The following TBX15 variants were observed in gnomAD, a reference collection of about 807,000 sequenced individuals.
The protein encoded by TBX15 is T-box transcription factor TBX15.
A neutral mutation model predicts 53.9 loss-of-function variants in TBX15; 18 were observed. That is an observed-to-expected ratio of 0.33 (90% CI 0.23 to 0.49). The LOEUF (loss-of-function observed/expected upper bound fraction) is 0.49, where lower values mean the gene tolerates loss of function less well. Among genes scored for constraint, TBX15 ranks in the 20% least tolerant of loss-of-function variants. TBX15 has a pLI of 0.98. For synonymous variants in TBX15, 295 were observed against 278.0 expected (o/e 1.06, Z -0.61); for missense variants, 692 against 749.5 (o/e 0.92, Z 0.90).
chr1:118,984,591 G>A (rs1657758866), intron 1 of TBX15, among the ~76,000 whole-genome samples: 1 of 152,232 alleles, frequency 6.6e-6, no homozygotes, highest in Admixed American at 6.5e-5. Context: ...GTTGCTCTGG[G>A]AGAGGGCGGG....
chr1:118,965,830 T>C (rs1657019728), intron 1 of TBX15, among the ~76,000 whole-genome samples: 1 of 152,216 alleles, frequency 6.6e-6, no homozygotes. Context: ...AAGTACTATA[T>C]ATATTATGCC....
chr1:118,940,303 C>A (rs910262263), intron 1 of TBX15, among the ~76,000 whole-genome samples: 1 of 151,892 alleles, frequency 6.6e-6, no homozygotes, highest in East Asian at 1.9e-4. Flanking sequence ...TAAGTAAGTA[C>A]AACTATAAAA....
chr1:118,978,336 A>G (rs1657507381), intron 1 of TBX15, among the ~76,000 whole-genome samples: 1 of 152,232 alleles, frequency 6.6e-6, no homozygotes, highest in Non-Finnish European at 1.5e-5. Flanking sequence ...AGGATGGGTC[A>G]AGTGATGACC....
intron 1 of TBX15, among the ~76,000 whole-genome samples, chr1:118,936,109 T>C (rs73007574): frequency 0.014 from 2,154 of 152,274 alleles, 62 homozygotes; most frequent in African/African-American, 0.049. Context: ...CACATGACTA[T>C]TCTGGTCCCC....
At chr1:118,966,465 C>T (rs754448135) in intron 1 of TBX15, among the ~76,000 whole-genome samples, 3 of 152,192 alleles carry the variant, frequency 2.0e-5, no homozygotes, top group Non-Finnish European at 4.4e-5. Context: ...GCCCTCAACC[C>T]AATTCCTAGG....
intron 6 of TBX15, among the ~76,000 whole-genome samples, chr1:118,910,094 C>T (rs931552370): frequency 6.6e-6 from 1 of 152,072 alleles, no homozygotes; most frequent in African/African-American, 2.4e-5. Flanking sequence ...CCCATCTTTC[C>T]TCTCATTCCC....
At position 118,988,240 on chromosome 1, in the gene TBX15, T is replaced by C. The variant is rs957098481; in HGVS notation, c.-445A>G. 7.4e-5 allele frequency: 12 copies of C among 161,142 alleles called. No individual in the cohort carries two copies. Among genetic ancestry groups the C allele is most frequent in the Non-Finnish European group, 1.2e-4 (9 of 74,488 alleles). 10.0% of individuals were successfully genotyped at this position (161,142 alleles called of 1,614,324 possible). A position where few individuals can be genotyped will look rare whatever the true frequency, so the allele number is the denominator to read the frequency against. Reference sequence around the variant, plus strand: ...CTCTGCCTTCCCGTCCTCCCTGTGATCCAAACTTCTGGGAAACTTTTTTTT... The same window carrying C: ...CTCTGCCTTCCCGTCCTCCCTGTGACCCAAACTTCTGGGAAACTTTTTTTT... On this transcript the variant is annotated 5_prime_UTR_variant, in exon 1 of 8. Transcript: ENST00000369429.
chr1:118,983,516 C>G (rs1657714142), intron 1 of TBX15, among the ~76,000 whole-genome samples: 1 of 152,190 alleles, frequency 6.6e-6, no homozygotes, highest in South Asian at 2.1e-4. Context: ...CCTCAGCGAA[C>G]AATAATCCTC....
chr1:118,919,844 ACT>A (rs1168463316), intron 5 of TBX15, among the ~76,000 whole-genome samples: 1 of 152,116 alleles, frequency 6.6e-6, no homozygotes, highest in Non-Finnish European at 1.5e-5. Flanking sequence ...ACATCTATCT[ACT>A]CTCTCTTGTC....
chr1:118,943,129 G>T (rs147380059), intron 1 of TBX15, among the ~76,000 whole-genome samples: 2 of 152,132 alleles, frequency 1.3e-5, no homozygotes, highest in African/African-American at 4.8e-5. Flanking sequence ...AGCCCCTGGC[G>T]CACAATAGGA....
At chr1:118,961,079 T>G (rs1378094884) in intron 1 of TBX15, among the ~76,000 whole-genome samples, 1 of 152,134 alleles carries the variant, frequency 6.6e-6, no homozygotes, top group Admixed American at 6.5e-5. Flanking sequence ...GACTGGGAAT[T>G]CATGCAAGGT....
At chr1:118,922,055 A>G (rs1655441223) in intron 5 of TBX15, among the ~76,000 whole-genome samples, 1 of 152,192 alleles carries the variant, frequency 6.6e-6, no homozygotes, top group African/African-American at 2.4e-5. Flanking sequence ...TTGTATTACT[A>G]GAAGGTACTG....
At chr1:118,939,210 C>T (rs539690908) in intron 1 of TBX15, among the ~76,000 whole-genome samples, 1 of 151,560 alleles carries the variant, frequency 6.6e-6, no homozygotes, top group Non-Finnish European at 1.5e-5. Context: ...AGTTTGAGAC[C>T]AGCCTGGGCA....
At position 118,883,604 on chromosome 1, in the gene TBX15, T is replaced by C. The variant is rs1653805411; in HGVS notation, c.*1128A>G. The C allele has an allele frequency of 6.6e-6, 1 of 152,134 alleles. No homozygotes were observed. 9.4% of individuals were successfully genotyped at this position (152,134 alleles called of 1,614,324 possible). On this transcript the variant is annotated 3_prime_UTR_variant, in exon 8 of 8. Coordinates refer to ENST00000369429, the MANE Select transcript of TBX15 (RefSeq NM_001330677.2). ...CTCTTGGTATCATCTTCCGAGATTA[T>C]AAAACTATTCCTTCTTCACACCCTT...
At chr1:118,931,965 C>T (rs548737992) in intron 1 of TBX15, 133 bp from the exon 2 acceptor site, 3 of 783,174 alleles carry the variant, frequency 3.8e-6, no homozygotes, top group East Asian at 2.7e-5. Flanking sequence ...AGCTGGGAAG[C>T]TCCAGAGCAC....
At chr1:118,903,865 G>A (rs1450463834) in intron 6 of TBX15, among the ~76,000 whole-genome samples, 2 of 152,144 alleles carry the variant, frequency 1.3e-5, no homozygotes, top group Non-Finnish European at 2.9e-5. Flanking sequence ...TACACTGAAG[G>A]CATGTATGCC....
rs978602267 is a variant in TBX15, at chr1:118,890,929, T to C, written c.1025-5413A>G. On this transcript the variant is annotated intron_variant, in intron 7 of 7. Coordinates refer to ENST00000369429, the MANE Select transcript of TBX15 (RefSeq NM_001330677.2). ...AATGGCATCTGTCTCTGAGGAGTGC[T>C]GATTCACTGTGTATCCTTGAGAAGT... The C allele has an allele frequency of 4.6e-6, 6 of 1,304,128 alleles. No homozygotes were observed. The African/African-American group carries it at 9.1e-5, about 20-fold the overall frequency. The allele number at this position is 1,304,128 out of a possible 1,614,324, so 80.8% of individuals were successfully genotyped here.
intron 5 of TBX15, among the ~76,000 whole-genome samples, chr1:118,921,324 T>C (rs950289133): frequency 2.0e-5 from 3 of 152,208 alleles, no homozygotes; most frequent in Non-Finnish European, 2.9e-5. Context: ...TGGTAAAGAT[T>C]ATCTGGTGAA....
At position 118,923,416 on chromosome 1, in the gene TBX15, T is replaced by C. The variant is rs1461367851; in HGVS notation, c.861+20A>G. 6.2e-7 allele frequency: 1 copy of C among 1,613,444 alleles called. No homozygotes were observed. Among genetic ancestry groups the C allele is most frequent in the African/African-American group, 1.3e-5 (1 of 74,892 alleles). On this transcript the variant is annotated intron_variant, in intron 5 of 7. Coordinates refer to ENST00000369429, the MANE Select transcript of TBX15 (RefSeq NM_001330677.2). ...CCAAAAAACAGATGTAGCAGAAGAC[T>C]CTCAAGGGCCACCTCTTACCTGCTG...
Sources: gnomAD v4.1 joint callset for allele counts (sites outside exome capture counted in the v4.1 genomes callset) on GRCh38, gnomAD v4.1.1 for gene constraint, MANE v1.5 for transcripts, NCBI Gene and HGNC (gene_info 2026-07-23, HGNC 2026-07-21) for gene names.